Variants in ARHGAP4 observed in about 807,000 individuals in gnomAD.
The protein encoded by ARHGAP4 is Rho GTPase activating protein 4.
A neutral mutation model predicts 67.6 loss-of-function variants in ARHGAP4; 25 were observed. The observed-to-expected ratio is 0.37, with a 90% CI of 0.27 to 0.52. The LOEUF (loss-of-function observed/expected upper bound fraction) is 0.52, where lower values mean the gene tolerates loss of function less well. ARHGAP4 is among the 20% of genes least tolerant of loss of function. The probability of loss-of-function intolerance (pLI) is 0.92; values close to 1 mark genes in which losing one functional copy is unlikely to be tolerated. For missense variants in ARHGAP4, 804 were observed against 854.6 expected, an observed-to-expected ratio of 0.94 and a Z score of 0.74; for synonymous variants, 448 against 373.7, an observed-to-expected ratio of 1.20 and a Z score of -2.29.
intron 21 of ARHGAP4, among the ~76,000 whole-genome samples, chrX:153,908,435 T>A (rs1477762252): frequency 8.9e-6 from 1 of 112,054 alleles, no homozygotes; most frequent in Non-Finnish European, 1.9e-5. Context: ...GGCTCTCTCC[T>A]CCTTGGGCTT....
rs1223551489 is a variant in ARHGAP4 at position 153,913,818 on chromosome X, A to G, written c.1094T>C (p.Ile365Thr). Residue 365 changes from isoleucine (I) to threonine (T), a missense_variant, in exon 8 of 22, where the codon ATC (isoleucine) becomes ACC (threonine). Ile to Thr is a moderately conservative substitution (Grantham distance 89). Transcript: ENST00000350060. ...RDEILPRAQN[I>T]QSRLDRQTIE... is the part of the protein sequence containing the mutation. Reference sequence around the variant, plus strand: ...GGTCTGTCGGTCCAGGCGGCTCTGGATGTTCTGGGCTCTGGGCAGAATCTC... The same window carrying G: ...GGTCTGTCGGTCCAGGCGGCTCTGGGTGTTCTGGGCTCTGGGCAGAATCTC... 2 of 1,210,289 alleles carry G rather than the reference A, an allele frequency of 1.7e-6. No individual in the cohort carries two copies. The highest frequency in any genetic ancestry group is 2.2e-6 in the Non-Finnish European group (2 of 895,228).
At chrX:153,922,169 T>A in intron 1 of ARHGAP4, 2 of 890,090 alleles carry the variant, frequency 2.2e-6, no homozygotes, top group Non-Finnish European at 2.8e-6. Flanking sequence ...GGAAAGCCTC[T>A]GAATGGTTTC....
chrX:153,913,757 C>A (rs782095977), intron 8 of ARHGAP4, 21 bp downstream of exon 8: 6 of 1,205,452 alleles, frequency 5.0e-6, no homozygotes, highest in Non-Finnish European at 6.7e-6. Flanking sequence ...CTCCCTCTAA[C>A]CCCCGGTGGG....
At chrX:153,922,272 C>T (rs1174689073) in intron 1 of ARHGAP4, 2 of 778,046 alleles carry the variant, frequency 2.6e-6, no homozygotes, top group Admixed American at 7.3e-5. Context: ...GATCACAGTG[C>T]TGCTCAGGGC....
chrX:153,919,792 A>AT (rs200702381), intron 5 of ARHGAP4: 156,801 of 626,796 alleles, frequency 0.25, 6,992 homozygotes, highest in East Asian at 0.56. Flanking sequence ...TTTTTTTTTT[A>AT]TTTTTTTTTT....
At chrX:153,923,136 C>T (rs1240808805) in intron 1 of ARHGAP4, among the ~76,000 whole-genome samples, 3 of 110,860 alleles carry the variant, frequency 2.7e-5, no homozygotes, top group Non-Finnish European at 5.7e-5. Context: ...AGAGGAGCCA[C>T]AGTAGTGGGG....
intron 1 of ARHGAP4, among the ~76,000 whole-genome samples, chrX:153,923,903 G>A (rs782209115): frequency 2.2e-3 from 250 of 111,230 alleles, no homozygotes; most frequent in Middle Eastern, 4.6e-3. Flanking sequence ...TCAGCCTCCC[G>A]AGTAGCTGGG....
intron 7 of ARHGAP4, among the ~76,000 whole-genome samples, chrX:153,917,709 C>G (rs1347853568): frequency 8.9e-6 from 1 of 112,254 alleles, no homozygotes; most frequent in African/African-American, 3.2e-5. Flanking sequence ...TCACATCACA[C>G]CCCTGCACTC....
rs782341916 is a variant in ARHGAP4 at position 153,912,787 on chromosome X, C to G, written c.1455G>C (p.Gln485His). Residue 485 changes from glutamine to histidine, a missense_variant, in exon 12 of 22, where the codon CAG becomes CAC. Around this residue, in one of 2 missense-constraint regions of ARHGAP4, gnomAD observed 404 missense variants for 505.9 expected, o/e 0.80. Coordinates refer to ENST00000350060, the MANE Select transcript of ARHGAP4 (RefSeq NM_001666.5). ...EQEVSWTQYT[Q>H]RKFQKSRQPR... ...GCTGGCGGCTCTTCTGGAATTTTCTCTGTGTGTACTGGGTCCTGCAGTGAA... is the reference window on the plus strand; with the variant it reads ...GCTGGCGGCTCTTCTGGAATTTTCTGTGTGTGTACTGGGTCCTGCAGTGAA... The G allele has an allele frequency of 2.5e-6, 3 of 1,210,094 alleles. No homozygotes were observed. The highest frequency in any genetic ancestry group is 1.8e-5 in the South Asian group (1 of 56,827).
In ARHGAP4 at chrX:153,907,967, C is replaced by A. The variant is rs377139657; in HGVS notation, c.2608-5G>T. On this transcript the variant is annotated splice_polypyrimidine_tract_variant and splice_region_variant and intron_variant, in intron 21 of 21. Transcript: ENST00000350060. ...GTCCATGTTCTGTGCCACAGCCTAG[C>A]GGAGGGGAAAGAAAGGGAGAGTGAC... is the stretch of plus-strand genomic sequence containing the variant. 1.2e-4 allele frequency: 137 copies of A among 1,135,297 alleles called. No individual in the cohort carries two copies. The highest frequency in any genetic ancestry group is 1.5e-4 in the Non-Finnish European group (129 of 858,628). The allele number at this position is 1,135,297 out of a possible 1,213,427, so 93.6% of individuals were successfully genotyped here.
chrX:153,913,943 G>C, intron 7 of ARHGAP4, 64 bp from the exon 8 acceptor site: 2 of 1,033,338 alleles, frequency 1.9e-6, no homozygotes, highest in Non-Finnish European at 2.7e-6. Context: ...AAGATCCCCG[G>C]GGCATAAGGG....
rs148107975 is a variant in ARHGAP4 at position 153,918,969 on chromosome X, C to T, written c.895G>A (p.Val299Met). 2 of 1,210,525 alleles carry T rather than the reference C, an allele frequency of 1.7e-6. No individual in the cohort carries two copies. Among genetic ancestry groups the T allele is most frequent in the Non-Finnish European group, 2.2e-6 (2 of 895,254 alleles). ...TCTTCCAGGCTGCCCAGGCCCTGCA[C>T]TTGGGAGGCTTGGGTGCGGCTCTCA... ...AAESRTQASQVQGLGSLEEAV... is the reference protein window; with the variant it reads ...AAESRTQASQMQGLGSLEEAV... The change falls in exon 7 of 22, where the codon GTG becomes ATG. Residue 299 changes from valine (V) to methionine (M), a missense_variant. This residue lies in a region of ARHGAP4 where 404 missense variants were observed against 505.9 expected (regional missense o/e 0.80). Coordinates refer to ENST00000350060, the MANE Select transcript of ARHGAP4 (RefSeq NM_001666.5).
intron 7 of ARHGAP4, among the ~76,000 whole-genome samples, chrX:153,914,953 G>T (rs782057114): frequency 8.9e-6 from 1 of 112,372 alleles, no homozygotes; most frequent in African/African-American, 3.2e-5. Flanking sequence ...AGTTAAAATT[G>T]AGAGTGAGGA....
rs782635553 is a variant in ARHGAP4, at chrX:153,919,042, T to C, written c.822A>G (p.Thr274=). The C allele has an allele frequency of 5.0e-6, 6 of 1,209,615 alleles. No homozygotes were observed. Among genetic ancestry groups the C allele is most frequent in the Non-Finnish European group, 6.7e-6 (6 of 894,922 alleles). The change falls in exon 7 of 22, where the codon ACA becomes ACG. Residue 274 remains threonine (T), a synonymous_variant. Coordinates refer to ENST00000350060, the MANE Select transcript of ARHGAP4 (RefSeq NM_001666.5). ...DVLDLMDCCD[T]GFHLALGQVL... ...CCTGCCCCAGGGCCAGGTGGAACCC[T>C]GTGTCACAGCACTGAGGAGGAAACA...
At chrX:153,917,764 A>G (rs2065065001) in intron 7 of ARHGAP4, among the ~76,000 whole-genome samples, 1 of 112,296 alleles carries the variant, frequency 8.9e-6, no homozygotes, top group African/African-American at 3.2e-5. Context: ...AACAAAACAC[A>G]ACAAAACAAA....
chrX:153,919,943 T>A (rs1317719437), intron 5 of ARHGAP4, among the ~76,000 whole-genome samples: 3 of 111,107 alleles, frequency 2.7e-5, no homozygotes, highest in Non-Finnish European at 5.7e-5. Context: ...CCCGCCATCA[T>A]GCCCGGCTAA....
At chrX:153,921,244 C>A in intron 3 of ARHGAP4, 85 bp from the exon 4 acceptor site, 1 of 1,175,023 alleles carries the variant, frequency 8.5e-7, no homozygotes, top group Non-Finnish European at 1.1e-6. Context: ...CAAGCCCCAT[C>A]GGGGGGGCAC....
intron 14 of ARHGAP4, 33 bp downstream of exon 14, chrX:153,910,889 G>GCCCCCCCCCCCC: frequency 8.7e-7 from 1 of 1,147,455 alleles, no homozygotes; most frequent in Non-Finnish European, 1.2e-6. Flanking sequence ...ATCTGCCCGA[G>GCCCCCCCCCCCC]CCCCCACCCC....
chrX:153,911,331 C>T, intron 12 of ARHGAP4, 142 bp from the exon 13 acceptor site: 1 of 537,627 alleles, frequency 1.9e-6, no homozygotes, highest in Non-Finnish European at 2.8e-6. Context: ...GATCTCGGCT[C>T]ACTGTAGCCT....
Sources: allele counts gnomAD v4.1 joint callset (sites outside exome capture counted in the v4.1 genomes callset), GRCh38; gene constraint gnomAD v4.1.1; regional missense constraint gnomAD v4.1.1; transcripts MANE v1.5; gene names NCBI Gene and HGNC (gene_info 2026-07-23, HGNC 2026-07-21).